Variants in ANKRD33B observed in about 807,000 individuals in gnomAD.
ANKRD33B encodes ankyrin repeat domain 33B.
ANKRD33B carries 6 observed loss-of-function variants against 21.5 expected under a neutral mutation model. The observed-to-expected ratio is 0.28, with a 90% CI of 0.15 to 0.55. The LOEUF (loss-of-function observed/expected upper bound fraction) is 0.55, where lower values mean the gene tolerates loss of function less well. ANKRD33B is among the 20% of genes least tolerant of loss of function. ANKRD33B has a pLI of 0.94. For synonymous variants in ANKRD33B, 347 were observed against 342.4 expected, an observed-to-expected ratio of 1.01 and a Z score of -0.15; for missense variants, 698 against 747.2, an observed-to-expected ratio of 0.93 and a Z score of 0.77.
At chr5:10,592,074 GT>G (rs1735708029) in intron 1 of ANKRD33B, among the ~76,000 whole-genome samples, 1 of 2,206 alleles carries the variant, frequency 4.5e-4, no homozygotes, top group Non-Finnish European at 1.0e-3. Context: ...TGATTTTATG[GT>G]GTGTGTGTGT....
chr5:10,584,343 CAA>C (rs1234174448), intron 1 of ANKRD33B, among the ~76,000 whole-genome samples: 3 of 152,072 alleles, frequency 2.0e-5, no homozygotes, highest in Non-Finnish European at 4.4e-5. Flanking sequence ...CTTGGGAGTT[CAA>C]GACCAGTCTG....
In ANKRD33B at chr5:10,564,693, C is replaced by G. The variant is rs1420568205; in HGVS notation, c.226C>G (p.Pro76Ala). 2.0e-5 allele frequency: 30 copies of G among 1,533,784 alleles called. No homozygotes were observed. Among genetic ancestry groups the G allele is most frequent in the Non-Finnish European group, 2.5e-5 (29 of 1,145,846 alleles). ...EHGVESAESV[P>A]EGVPESVPET... ...CGGCGTCGAGAGCGCGGAGAGCGTC[C>G]CGGAGGGCGTCCCGGAAAGCGTCCC... The change falls in exon 1 of 4, where the codon CCG (proline) becomes GCG (alanine). Residue 76 changes from proline to alanine, a missense_variant. By Grantham distance (27) the Pro-to-Ala change is conservative. Transcript: ENST00000296657.
At chr5:10,618,604 G>T in intron 2 of ANKRD33B, 142 bp downstream of exon 2, 1 of 1,262,244 alleles carries the variant, frequency 7.9e-7, no homozygotes, top group Non-Finnish European at 1.1e-6. Context: ...GGGAAGGGCT[G>T]ATTGCTGTGA....
intron 1 of ANKRD33B, among the ~76,000 whole-genome samples, chr5:10,604,250 G>A (rs1213020621): frequency 7.1e-6 from 1 of 140,068 alleles, no homozygotes; most frequent in Admixed American, 7.5e-5. Flanking sequence ...GGAGTACAGT[G>A]GCGTGATCTC....
intron 1 of ANKRD33B, among the ~76,000 whole-genome samples, chr5:10,617,897 CT>C (rs1485729753): frequency 6.6e-6 from 1 of 152,218 alleles, no homozygotes; most frequent in Non-Finnish European, 1.5e-5. Context: ...TGCCTTGCCT[CT>C]TTCACACACG....
chr5:10,635,250 A>G (rs58497115), intron 2 of ANKRD33B, among the ~76,000 whole-genome samples: 3,204 of 152,278 alleles, frequency 0.021, 120 homozygotes, highest in African/African-American at 0.073. Context: ...AGGAATTGCA[A>G]TTCATTTTAC....
Position 10,598,571 on chromosome 5 carries a change from TTTTTG to T in ANKRD33B, c.367-19746_367-19742del, listed in dbSNP as rs199979917. The stretch of plus-strand genomic sequence containing the variant: ...CGTGAGTCACTGTGTCTGGCCATGA[TTTTTG>T]TTTTGTTTTGTTTTGCTTTTAATTA... On this transcript the variant is annotated intron_variant, in intron 1 of 3. Coordinates refer to ENST00000296657, the MANE Select transcript of ANKRD33B (RefSeq NM_001164440.2). Among the ~76,000 whole-genome samples, 1,000 of 152,200 alleles carry T rather than the reference TTTTTG, an allele frequency of 6.6e-3. 9 individuals carry two copies. Among genetic ancestry groups the T allele is most frequent in the African/African-American group, 0.023 (944 of 41,520 alleles).
At chr5:10,643,067 G>A (rs1159634804) in intron 3 of ANKRD33B, among the ~76,000 whole-genome samples, 1 of 152,052 alleles carries the variant, frequency 6.6e-6, no homozygotes, top group East Asian at 1.9e-4. Context: ...ACCACATCCA[G>A]CTAATGTTTG....
chr5:10,613,319 C>G (rs1312075691), intron 1 of ANKRD33B, among the ~76,000 whole-genome samples: 1 of 142,930 alleles, frequency 7.0e-6, no homozygotes, highest in Non-Finnish European at 1.5e-5. Flanking sequence ...GAGTCTTGCT[C>G]TGTTGCCCAG....
chr5:10,616,564 C>A (rs1038100723), intron 1 of ANKRD33B, among the ~76,000 whole-genome samples: 103 of 117,528 alleles, frequency 8.8e-4, no homozygotes, highest in South Asian at 1.7e-3. Flanking sequence ...AACTCTGTCT[C>A]AAAAAAAAAA....
intron 1 of ANKRD33B, among the ~76,000 whole-genome samples, chr5:10,579,730 G>A (rs979720049): frequency 5.3e-5 from 8 of 151,776 alleles, no homozygotes; most frequent in African/African-American, 1.9e-4. Flanking sequence ...AAGAAACCTA[G>A]TGAGAAAGGT....
intron 1 of ANKRD33B, among the ~76,000 whole-genome samples, chr5:10,598,429 G>T (rs1056609608): frequency 8.6e-5 from 13 of 151,988 alleles, no homozygotes; most frequent in African/African-American, 3.1e-4. Context: ...ACCATGCCTG[G>T]CTAATTTTTG....
At chr5:10,647,280 G>A (rs1208227309) in intron 3 of ANKRD33B, among the ~76,000 whole-genome samples, 1 of 152,036 alleles carries the variant, frequency 6.6e-6, no homozygotes, top group African/African-American at 2.4e-5. Flanking sequence ...AATTTTTTGT[G>A]TGTTTTTAGT....
intron 1 of ANKRD33B, among the ~76,000 whole-genome samples, chr5:10,581,083 T>C (rs1177759849): frequency 6.6e-6 from 1 of 152,206 alleles, no homozygotes; most frequent in African/African-American, 2.4e-5. Context: ...CTCAGGCTGC[T>C]TCTCTGCAGT....
At chr5:10,606,267 T>C (rs761617405) in intron 1 of ANKRD33B, among the ~76,000 whole-genome samples, 7 of 152,250 alleles carry the variant, frequency 4.6e-5, no homozygotes, top group East Asian at 1.9e-4. Context: ...TTTGAATTAC[T>C]GACAACCTTG....
intron 1 of ANKRD33B, among the ~76,000 whole-genome samples, chr5:10,609,915 A>G (rs1271541154): frequency 6.6e-6 from 1 of 152,186 alleles, no homozygotes; most frequent in Non-Finnish European, 1.5e-5. Context: ...TCTAAAAAAA[A>G]CAAAACACAC....
At chr5:10,599,418 G>A (rs1735885273) in intron 1 of ANKRD33B, among the ~76,000 whole-genome samples, 1 of 152,090 alleles carries the variant, frequency 6.6e-6, no homozygotes. Flanking sequence ...CATTTGCAAT[G>A]TTGTGCAAAC....
intron 1 of ANKRD33B, among the ~76,000 whole-genome samples, chr5:10,565,621 G>A (rs1735031333): frequency 6.6e-6 from 1 of 152,218 alleles, no homozygotes; most frequent in Non-Finnish European, 1.5e-5. Context: ...GAGAAAACGA[G>A]ATGTTTAGAA....
At chr5:10,641,256 TCTCA>T (rs930049572) in intron 3 of ANKRD33B, among the ~76,000 whole-genome samples, 2 of 135,996 alleles carry the variant, frequency 1.5e-5, no homozygotes, top group African/African-American at 5.5e-5. Context: ...TTTGAGACAG[TCTCA>T]CTCTGTCGCC....
Sources: gnomAD v4.1 joint callset for allele counts (sites outside exome capture counted in the v4.1 genomes callset) on GRCh38, gnomAD v4.1.1 for gene constraint, MANE v1.5 for transcripts, NCBI Gene and HGNC (gene_info 2026-07-23, HGNC 2026-07-21) for gene names.